Variants in TBC1D30 observed in about 807,000 individuals in gnomAD.
The protein encoded by TBC1D30 is TBC1 domain family member 30, also known as TBC1 domain family, member 30.
A neutral mutation model predicts 63.2 loss-of-function variants in TBC1D30; 31 were observed. That is an observed-to-expected ratio of 0.49 (90% confidence interval 0.37 to 0.66). The LOEUF is 0.66. TBC1D30 is among the 30% of genes least tolerant of loss of function. The pLI, the probability that TBC1D30 is intolerant of heterozygous loss-of-function variation, is 0.00. For synonymous variants in TBC1D30, 307 were observed against 361.5 expected (o/e 0.85, Z 1.71); for missense variants, 810 against 953.6 (o/e 0.85, Z 1.98).
At chr12:64,776,198 T>C (rs917884494), upstream of TBC1D30, among the ~76,000 whole-genome samples, 3 of 151,910 alleles carry the variant, frequency 2.0e-5, no homozygotes, top group African/African-American at 7.3e-5. Context: ...ATATCACAAC[T>C]AAAACAAATA....
intron 2 of TBC1D30, among the ~76,000 whole-genome samples, chr12:64,811,977 G>C (rs941582022): frequency 6.6e-6 from 1 of 152,092 alleles, no homozygotes; most frequent in Non-Finnish European, 1.5e-5. Context: ...AGACAGACCT[G>C]GGTTCAAATC....
intron 1 of TBC1D30, among the ~76,000 whole-genome samples, chr12:64,764,699 GT>G (rs1870641383): frequency 6.6e-6 from 1 of 152,212 alleles, no homozygotes; most frequent in African/African-American, 2.4e-5. Flanking sequence ...AGAGATCAAA[GT>G]TGAGGGAGAT....
At chr12:64,871,933 A>G (rs1199441147) in intron 11 of TBC1D30, among the ~76,000 whole-genome samples, 1 of 152,194 alleles carries the variant, frequency 6.6e-6, no homozygotes, top group African/African-American at 2.4e-5. Context: ...AGGGTGCTAA[A>G]TCGGCCCAGT....
intron 2 of TBC1D30, among the ~76,000 whole-genome samples, chr12:64,795,372 C>T (rs919094458): frequency 1.3e-5 from 2 of 152,130 alleles, no homozygotes; most frequent in Non-Finnish European, 2.9e-5. Flanking sequence ...AAGGTACTCA[C>T]CCTCAGCTGG....
chr12:64,866,622 CA>C, intron 9 of TBC1D30, 141 bp from the exon 10 acceptor site: 1 of 799,818 alleles, frequency 1.3e-6, no homozygotes. Context: ...ATATTTTTAG[CA>C]GAGATGGGGT....
chr12:64,833,619 TAAAC>T (rs1393974488), intron 5 of TBC1D30, among the ~76,000 whole-genome samples: 1 of 152,160 alleles, frequency 6.6e-6, no homozygotes, highest in African/African-American at 2.4e-5. Context: ...TGTGGAAAAA[TAAAC>T]AAATGTTCCT....
In TBC1D30 at chr12:64,878,569, T is replaced by G. The variant is rs1262922162; in HGVS notation, c.*2781T>G. 1.1e-4 allele frequency: 49 copies of G among 456,540 alleles called. No individual in the cohort carries two copies. The highest frequency in any genetic ancestry group is 7.3e-4 in the South Asian group (47 of 64,550). 28.3% of individuals were successfully genotyped at this position (456,540 alleles called of 1,614,324 possible). A position where few individuals can be genotyped will look rare whatever the true frequency, so the allele number is the denominator to read the frequency against. The stretch of plus-strand genomic sequence containing the variant: ...GGGACATTGTATTCCTTTGTTTGTC[T>G]CTTGTTGTTCTGAAGGATTGTATTG... On this transcript the variant is annotated 3_prime_UTR_variant, in exon 12 of 12. Coordinates refer to ENST00000539867, the MANE Select transcript of TBC1D30 (RefSeq NM_015279.2).
intron 8 of TBC1D30, among the ~76,000 whole-genome samples, chr12:64,864,182 G>A (rs565024415): frequency 2.6e-5 from 4 of 151,990 alleles, no homozygotes; most frequent in Admixed American, 6.5e-5. Flanking sequence ...TAAAAAGGTG[G>A]TATCTTTGGA....
upstream of TBC1D30, among the ~76,000 whole-genome samples, chr12:64,823,616 C>A (rs543175562): frequency 6.6e-6 from 1 of 152,050 alleles, no homozygotes; most frequent in East Asian, 1.9e-4. Context: ...TGTGAGCCAC[C>A]GTGCCCAGAC....
At chr12:64,838,557 G>C (rs1237714828) in intron 6 of TBC1D30, 126 bp from the exon 7 acceptor site, 8 of 952,400 alleles carry the variant, frequency 8.4e-6, no homozygotes, top group African/African-American at 8.3e-5. Context: ...CAAGAGTTTA[G>C]AAATATGAAG....
intron 1 of TBC1D30, among the ~76,000 whole-genome samples, chr12:64,785,434 C>T (rs1402134089): frequency 6.8e-6 from 1 of 147,920 alleles, no homozygotes; most frequent in African/African-American, 2.5e-5. Context: ...AGGTGTGAGC[C>T]ACCACGCCTG....
Position 64,877,238 on chromosome 12 carries a change from C to T in TBC1D30, c.*1450C>T, listed in dbSNP as rs1032075178. ...GCTCACTCCTCAATCCCCTTCTCCT[C>T]GCCATCATTAGAGGAATAGACTCAG... On this transcript the variant is annotated 3_prime_UTR_variant, in exon 12 of 12. Transcript: ENST00000539867. The T allele has an allele frequency of 3.9e-5, 7 of 179,408 alleles. No individual in the cohort carries two copies. The highest frequency in any genetic ancestry group is 1.4e-4 in the South Asian group (1 of 7,346). 11.1% of individuals were successfully genotyped at this position (179,408 alleles called of 1,614,324 possible).
intron 7 of TBC1D30, among the ~76,000 whole-genome samples, chr12:64,842,199 A>G (rs1262886907): frequency 6.6e-6 from 1 of 152,112 alleles, no homozygotes. Flanking sequence ...CTCTACTAAA[A>G]ATACAAAAAA....
chr12:64,872,525 T>A (rs10161025), intron 11 of TBC1D30, among the ~76,000 whole-genome samples: 32,692 of 152,146 alleles, frequency 0.21, 9,645 homozygotes, highest in African/African-American at 0.67. Context: ...GCTCTAGAGC[T>A]TTGGTTCTTG....
chr12:64,773,815 G>C (rs1472030142), intron 1 of TBC1D30, among the ~76,000 whole-genome samples: 1 of 152,172 alleles, frequency 6.6e-6, no homozygotes, highest in Non-Finnish European at 1.5e-5. Flanking sequence ...ATTGAAAATA[G>C]ATAATCCCAT....
chr12:64,873,658 G>C (rs1474394527), intron 11 of TBC1D30, among the ~76,000 whole-genome samples: 2 of 151,130 alleles, frequency 1.3e-5, no homozygotes, highest in South Asian at 4.1e-4. Context: ...GCCAAAATGA[G>C]GAGTATTAGA....
intron 2 of TBC1D30, among the ~76,000 whole-genome samples, chr12:64,801,433 C>T (rs536825167): frequency 3.3e-5 from 5 of 152,308 alleles, no homozygotes; most frequent in South Asian, 4.1e-4. Flanking sequence ...TTATAATCAT[C>T]ACTTTGACAA....
At chr12:64,797,640 A>G (rs764130026) in intron 2 of TBC1D30, among the ~76,000 whole-genome samples, 2 of 151,294 alleles carry the variant, frequency 1.3e-5, no homozygotes, top group Non-Finnish European at 2.9e-5. Flanking sequence ...GTCTGTTCAT[A>G]CTCTCTCTCT....
chr12:64,820,939 A>G (rs1001057879), upstream of TBC1D30, among the ~76,000 whole-genome samples: 1 of 152,264 alleles, frequency 6.6e-6, no homozygotes, highest in Admixed American at 6.5e-5. Context: ...TATTGCCATC[A>G]TAGCAGAAAC....
Sources: allele counts gnomAD v4.1 joint callset (sites outside exome capture counted in the v4.1 genomes callset), GRCh38; gene constraint gnomAD v4.1.1; transcripts MANE v1.5; gene names NCBI Gene and HGNC (gene_info 2026-07-23, HGNC 2026-07-21).